Variants in ZC3HAV1L observed in about 807,000 individuals in gnomAD.
The protein encoded by ZC3HAV1L is zinc finger CCCH-type antiviral protein 1-like.
In ZC3HAV1L, 23 loss-of-function variants were observed where a neutral mutation model predicts 28.2. The observed-to-expected ratio is 0.82, with a 90% confidence interval of 0.59 to 1.16. The LOEUF (loss-of-function observed/expected upper bound fraction) is 1.16, where lower values mean the gene tolerates loss of function less well. Ranked by LOEUF, ZC3HAV1L falls within the 50% of genes most tolerant of loss-of-function variation. The probability of loss-of-function intolerance (pLI) is 0.00; values close to 1 mark genes in which losing one functional copy is unlikely to be tolerated. For synonymous variants in ZC3HAV1L, 180 were observed against 163.4 expected, an observed-to-expected ratio of 1.10 and a Z score of -0.78; for missense variants, 376 against 387.7, an observed-to-expected ratio of 0.97 and a Z score of 0.25.
At chr7:139,032,748 AAAT>A (rs1418654368) in intron 2 of ZC3HAV1L, among the ~76,000 whole-genome samples, 1 of 152,002 alleles carries the variant, frequency 6.6e-6, no homozygotes, top group African/African-American at 2.4e-5. Flanking sequence ...CACACCCAAA[AAAT>A]AATAGCCATG....
chr7:139,022,980 G>A (rs561740446), downstream of ZC3HAV1L, among the ~76,000 whole-genome samples: 1 of 152,192 alleles, frequency 6.6e-6, no homozygotes, highest in East Asian at 1.9e-4. Flanking sequence ...TTCAAGACCA[G>A]CCTGGCCAAC....
chr7:139,025,513 TACTCTGTACTACTGGCTG>T (rs2130623613), downstream of ZC3HAV1L, among the ~76,000 whole-genome samples: 1 of 151,080 alleles, frequency 6.6e-6, no homozygotes, highest in South Asian at 2.1e-4. Flanking sequence ...AAAGGTTATA[TACTCTGTACTACTGGCTG>T]AGGATGGACC....
At chr7:139,028,372 C>CA (rs1487970195) in intron 3 of ZC3HAV1L, among the ~76,000 whole-genome samples, 2,623 of 118,782 alleles carry the variant, frequency 0.022, 142 homozygotes, top group African/African-American at 0.081. Flanking sequence ...GACTCTGTCT[C>CA]AAAAAAAAAA....
chr7:139,032,106 T>TA (rs1815550855), intron 2 of ZC3HAV1L, among the ~76,000 whole-genome samples: 1 of 150,026 alleles, frequency 6.7e-6, no homozygotes, highest in Non-Finnish European at 1.5e-5. Context: ...TCTAAAAGAG[T>TA]AAATAAACTT....
Position 139,030,745 on chromosome 7 carries a change from G to A in ZC3HAV1L, c.502-1785C>T, listed in dbSNP as rs566519752. 4.5e-4 allele frequency among the ~76,000 whole-genome samples: 49 copies of A among 109,642 alleles called. 1 individual carries two copies. The highest frequency in any genetic ancestry group is 1.4e-3 in the South Asian group (5 of 3,632). 71.9% of individuals were successfully genotyped at this position (109,642 alleles called of 152,430 possible). ...GGCTGAGGCAGAATTGCTTAACCTG[G>A]GTGGCAGAGGTTGCAGTGAGCCGAG... On this transcript the variant is annotated intron_variant, in intron 2 of 4. Transcript: ENST00000275766.
At position 139,026,477 on chromosome 7, in the gene ZC3HAV1L, C is replaced by T; in HGVS notation, c.*67G>A. 6.2e-7 allele frequency: 1 copy of T among 1,601,996 alleles called. No individual in the cohort carries two copies. The highest frequency in any genetic ancestry group is 1.1e-5 in the South Asian group (1 of 89,614). On this transcript the variant is annotated 3_prime_UTR_variant, in exon 5 of 5. Transcript: ENST00000275766. ...TCTCTTTGCCTGTTCAATGTCCCAC[C>T]CCATCCCCAACCACCCATGCCCAAA...
rs150454475 is a variant in ZC3HAV1L at position 139,028,942 on chromosome 7, T to C, written c.520A>G (p.Lys174Glu). The change falls in exon 3 of 5, where the codon AAA (lysine) becomes GAA (glutamate). Residue 174 changes from lysine (K) to glutamate (E), a missense_variant. Transcript: ENST00000275766. ...CAGTAGCCATACAGGGCTTCCCCTT[T>C]GTTGTAGAGCAAACAGACCTGGTAC... The part of the protein sequence containing the change: ...LLPEVCLLYN[K>E]GEALYGYCNL... 1.9e-6 allele frequency: 3 copies of C among 1,613,848 alleles called. No homozygotes were observed. In the African/African-American group the frequency reaches 4.0e-5, roughly 22 times the overall value.
downstream of ZC3HAV1L, among the ~76,000 whole-genome samples, chr7:139,023,759 C>A (rs1038183602): frequency 6.6e-6 from 1 of 152,186 alleles, no homozygotes; most frequent in Non-Finnish European, 1.5e-5. Flanking sequence ...TTACCAAAAA[C>A]TCCCATAACA....
rs980762927 is a variant in ZC3HAV1L, at chr7:139,028,527, G to T, written c.760+175C>A. Among the ~76,000 whole-genome samples, 3 of 152,088 alleles carry T rather than the reference G, an allele frequency of 2.0e-5. No individual in the cohort carries two copies. The East Asian group carries it at 5.8e-4, about 29-fold the overall frequency. On this transcript the variant is annotated intron_variant, in intron 3 of 4. Transcript: ENST00000275766. ...CTTCTCTCCTTTGGTTAGGATCACC[G>T]TTCTATACAATACAATGTTGCCTGT...
At chr7:139,033,886 T>A (rs1013985809) in intron 2 of ZC3HAV1L, 2 of 985,310 alleles carry the variant, frequency 2.0e-6, no homozygotes, top group African/African-American at 3.5e-5. Flanking sequence ...AGCTACTGCT[T>A]GCATCTACTT....
Position 139,026,142 on chromosome 7 carries a change from A to T in ZC3HAV1L, c.*402T>A, listed in dbSNP as rs1173503491. 1 of 180,654 alleles carries T rather than the reference A, an allele frequency of 5.5e-6. No homozygotes were observed. The highest frequency in any genetic ancestry group is 2.4e-5 in the African/African-American group (1 of 41,894). 11.2% of individuals were successfully genotyped at this position (180,654 alleles called of 1,614,324 possible). A position where few individuals can be genotyped will look rare whatever the true frequency, so the allele number is the denominator to read the frequency against. Reference sequence around the variant, plus strand: ...AGAGCAAGACCATCTCAAAAAAAAAAACTGTTAGAAAAAGCCAAGTAGTTA... The same window carrying T: ...AGAGCAAGACCATCTCAAAAAAAAATACTGTTAGAAAAAGCCAAGTAGTTA... On this transcript the variant is annotated 3_prime_UTR_variant, in exon 5 of 5. Coordinates refer to ENST00000275766, the MANE Select transcript of ZC3HAV1L (RefSeq NM_080660.4).
chr7:139,034,752 G>C lies in ZC3HAV1L; in HGVS notation c.366-74C>G, dbSNP rs114393480. 5,690 of 1,574,484 alleles carry C rather than the reference G, an allele frequency of 3.6e-3. 166 individuals are homozygous for C. In the African/African-American group the frequency reaches 0.07, roughly 19 times the overall value. On this transcript the variant is annotated intron_variant, in intron 1 of 4. Transcript: ENST00000275766. ...TCTGTCCAATTCCTTGCCTTGAGCA[G>C]CTTTCAATGTATTTAATACATGTGA...
At position 139,026,798 on chromosome 7, in the gene ZC3HAV1L, G is replaced by C; in HGVS notation, c.796C>G (p.Leu266Val). 6.2e-7 allele frequency: 1 copy of C among 1,614,114 alleles called. No individual in the cohort carries two copies. ...GCTGCGTGCACTCCTTGCTTCTCAAGGCCTTGTGAATGCTCAGTCGAAGGT... is the reference window on the plus strand; with the variant it reads ...GCTGCGTGCACTCCTTGCTTCTCAACGCCTTGTGAATGCTCAGTCGAAGGT... ...SSPSTEHSQG[L>V]EKQGVHAAGA... The change falls in exon 4 of 5, where the codon CTT becomes GTT. Residue 266 changes from leucine to valine, a missense_variant. Physicochemically the swap from Leu to Val is conservative, Grantham distance 32. Coordinates refer to ENST00000275766, the MANE Select transcript of ZC3HAV1L (RefSeq NM_080660.4).
In ZC3HAV1L at chr7:139,026,266, A is replaced by T. The variant is rs1584816418; in HGVS notation, c.*278T>A. ...GCTTATGAGACAATATTAAGTGAAAAAAAAAAATGAGTGCAAAGTACTCTA... is the reference window on the plus strand; with the variant it reads ...GCTTATGAGACAATATTAAGTGAAATAAAAAAATGAGTGCAAAGTACTCTA... On this transcript the variant is annotated 3_prime_UTR_variant, in exon 5 of 5. Transcript: ENST00000275766. The T allele has an allele frequency of 4.5e-6, 2 of 439,992 alleles. No individual in the cohort carries two copies. Among genetic ancestry groups the T allele is most frequent in the South Asian group, 5.3e-5 (1 of 18,810 alleles). 27.3% of individuals were successfully genotyped at this position (439,992 alleles called of 1,614,324 possible).
Position 139,035,952 on chromosome 7 carries a change from G to A in ZC3HAV1L, c.66C>T (p.Phe22=), listed in dbSNP as rs1815702288. The A allele has an allele frequency of 5.3e-6, 8 of 1,519,778 alleles. No homozygotes were observed. Among genetic ancestry groups the A allele is most frequent in the Non-Finnish European group, 7.0e-6 (8 of 1,141,866 alleles). 94.1% of individuals were successfully genotyped at this position (1,519,778 alleles called of 1,614,324 possible). ...CCACGTGGCCGCGCAGGTCCTTCAG[G>A]AACATGCGGCCGCCGTGGGCGCACA... ...KVLCAHGGRM[F]LKDLRGHVEL... Residue 22 remains phenylalanine (F), a synonymous_variant, in exon 1 of 5, where the codon TTC becomes TTT. Transcript: ENST00000275766.
rs986362601 is a variant in ZC3HAV1L at position 139,033,683 on chromosome 7, A to G, written c.501+860T>C. 33 of 979,374 alleles carry G rather than the reference A, an allele frequency of 3.4e-5. No individual in the cohort carries two copies. In the South Asian group the frequency reaches 9.5e-4, roughly 28 times the overall value. 60.7% of individuals were successfully genotyped at this position (979,374 alleles called of 1,614,324 possible). ...AGGCTGGGCCCAAGATACATCCTAA[A>G]AAAGGGCATACCAAAAAAACATTCG... On this transcript the variant is annotated intron_variant, in intron 2 of 4. Coordinates refer to ENST00000275766, the MANE Select transcript of ZC3HAV1L (RefSeq NM_080660.4).
chr7:139,033,852 CCCTT>C, intron 2 of ZC3HAV1L: 1 of 985,478 alleles, frequency 1.0e-6, no homozygotes, highest in Non-Finnish European at 1.2e-6. Context: ...ACCCTCCTCT[CCCTT>C]CCTGCCAATA....
Position 139,034,600 on chromosome 7 carries a change from G to C in ZC3HAV1L, c.444C>G (p.Leu148=). 1 of 1,614,054 alleles carries C rather than the reference G, an allele frequency of 6.2e-7. No individual in the cohort carries two copies. The highest frequency in any genetic ancestry group is 8.5e-7 in the Non-Finnish European group (1 of 1,179,994). Residue 148 remains leucine (L), a synonymous_variant, in exon 2 of 5, where the codon CTC becomes CTG. Coordinates refer to ENST00000275766, the MANE Select transcript of ZC3HAV1L (RefSeq NM_080660.4). The part of the protein sequence containing the change: ...QVLKSHGLFG[L]NENQLRILLL... ...GCAGGATCCGAAGCTGGTTTTCATT[G>C]AGACCAAAAAGTCCATGGCTTTTCA...
In ZC3HAV1L at chr7:139,026,710, G is replaced by A; in HGVS notation, c.884C>T (p.Pro295Leu). The A allele has an allele frequency of 6.2e-7, 1 of 1,614,062 alleles. No individual in the cohort carries two copies. The highest frequency in any genetic ancestry group is 2.2e-5 in the East Asian group (1 of 44,888). The change falls in exon 4 of 5, where the codon CCA becomes CTA. Residue 295 changes from proline to leucine, a missense_variant and splice_region_variant. Coordinates refer to ENST00000275766, the MANE Select transcript of ZC3HAV1L (RefSeq NM_080660.4). ...VPAQSAKKPC[P>L]VSCEK ...CACTGACCCCCTTTAAGGTTTACCT[G>A]GGCAGGGCTTCTTGGCCGACTGAGC...
Sources: gnomAD v4.1 joint callset for allele counts (sites outside exome capture counted in the v4.1 genomes callset) on GRCh38, gnomAD v4.1.1 for gene constraint, MANE v1.5 for transcripts, NCBI Gene and HGNC (gene_info 2026-07-23, HGNC 2026-07-21) for gene names.